The following ZFP69B variants were observed in gnomAD, a reference collection of about 807,000 sequenced individuals.
ZFP69B encodes the protein ZFP69 zinc finger protein B, also known as zinc finger protein 69 homolog B.
Under a neutral mutation model 19.7 loss-of-function variants are expected in ZFP69B, and 20 were observed. The observed-to-expected ratio is 1.02, with a 90% confidence interval of 0.71 to 1.48. The LOEUF (loss-of-function observed/expected upper bound fraction) is 1.48. ZFP69B is among the 40% of genes most tolerant of loss of function. ZFP69B has a pLI of 0.00. For missense variants in ZFP69B, 583 were observed against 632.6 expected, an observed-to-expected ratio of 0.92 and a Z score of 0.84; for synonymous variants, 220 against 222.7, an observed-to-expected ratio of 0.99 and a Z score of 0.11.
Position 40,463,330 on chromosome 1 carries a change from G to A in ZFP69B, c.1346G>A (p.Cys449Tyr), listed in dbSNP as rs756574939. 5 of 1,614,184 alleles carry A rather than the reference G, an allele frequency of 3.1e-6. No homozygotes were observed. Residue 449 changes from cysteine to tyrosine, a missense_variant, in exon 5 of 5, where the codon TGT becomes TAT. Transcript: ENST00000361584. ...CATACTGGAGAAAGACCATATAAAT[G>A]TAAGGAATGTGGGAAAGCCTTTAGC... ...RTHTGERPYK[C>Y]KECGKAFSQR...
intron 4 of ZFP69B, among the ~76,000 whole-genome samples, chr1:40,459,427 C>T (rs1645262374): frequency 6.6e-6 from 1 of 152,164 alleles, no homozygotes; most frequent in African/African-American, 2.4e-5. Context: ...CCTAACCTCC[C>T]CTGTTCTTTC....
chr1:40,462,487 A>C lies in ZFP69B; in HGVS notation c.503A>C (p.His168Pro). The change falls in exon 5 of 5, where the codon CAT becomes CCT. Residue 168 changes from histidine to proline, a missense_variant. Coordinates refer to ENST00000361584, the MANE Select transcript of ZFP69B (RefSeq NM_023070.3). The part of the protein sequence containing the change: ...LQNDISWEEL[H>P]CGLMMERFTK... ...AATGATATTTCGTGGGAAGAACTAC[A>C]TTGTGGCCTAATGATGGAAAGATTT... 2 of 1,613,996 alleles carry C rather than the reference A, an allele frequency of 1.2e-6. No individual in the cohort carries two copies.
chr1:40,452,975 GT>G (rs34206693), intron 1 of ZFP69B, among the ~76,000 whole-genome samples: 11,330 of 132,860 alleles, frequency 0.085, 606 homozygotes, highest in East Asian at 0.26. Context: ...ATTCCTAGTG[GT>G]TTTTTTTTTT....
At chr1:40,455,729 A>G (rs1308246519) in intron 2 of ZFP69B, among the ~76,000 whole-genome samples, 1 of 151,988 alleles carries the variant, frequency 6.6e-6, no homozygotes, top group Admixed American at 6.6e-5. Context: ...TCTACATTAG[A>G]TATTTCTCCT....
Position 40,455,955 on chromosome 1 carries a change from C to T in ZFP69B, c.214-990C>T, listed in dbSNP as rs551458809. Among the ~76,000 whole-genome samples the T allele has an allele frequency of 1.9e-3, 293 of 152,284 alleles. 3 individuals are homozygous for T. Among genetic ancestry groups the T allele is most frequent in the African/African-American group, 6.9e-3 (285 of 41,546 alleles). On this transcript the variant is annotated intron_variant, in intron 2 of 4. Transcript: ENST00000361584. Reference sequence around the variant, plus strand: ...ATGAACTCATCCCTTTTTATGGCTGCATAGTATTCCATGGTGTATATATGC... The same window carrying T: ...ATGAACTCATCCCTTTTTATGGCTGTATAGTATTCCATGGTGTATATATGC...
At position 40,457,336 on chromosome 1, in the gene ZFP69B, A is replaced by G. The variant is rs199638610; in HGVS notation, c.341-8A>G. 6.9e-4 allele frequency: 1,120 copies of G among 1,613,812 alleles called. 8 individuals are homozygous for G. Among genetic ancestry groups the G allele is most frequent in the Middle Eastern group, 5.0e-4 (3 of 6,058 alleles). On this transcript the variant is annotated splice_polypyrimidine_tract_variant and splice_region_variant and intron_variant, in intron 3 of 4. Transcript: ENST00000361584. ...CAGCATATACAGTCTTTTCTTCCCC[A>G]TAAGCAGGATGTCAGCTTTCCAAAC...
rs1160590602 is a variant in ZFP69B, at chr1:40,457,049, C to G, written c.318C>G (p.Asn106Lys). The G allele has an allele frequency of 6.2e-7, 1 of 1,608,192 alleles. No homozygotes were observed. ...RNLYREVMLE[N>K]YGNLVSVGCQ... ...TGTACCGGGAGGTGATGCTGGAGAA[C>G]TATGGGAACCTGGTCTCAGTGGGTA... The change falls in exon 3 of 5, where the codon AAC becomes AAG. Residue 106 changes from asparagine (N) to lysine (K), a missense_variant. Coordinates refer to ENST00000361584, the MANE Select transcript of ZFP69B (RefSeq NM_023070.3).
At chr1:40,454,155 T>G (rs542316515) in intron 1 of ZFP69B, 48 bp from the exon 2 acceptor site, 105 of 1,456,456 alleles carry the variant, frequency 7.2e-5, no homozygotes, top group Non-Finnish European at 8.6e-5. Context: ...TTTCTCTGTT[T>G]GGGTGATTTG....
Position 40,461,205 on chromosome 1 carries a change from T to C in ZFP69B, c.437-1216T>C, listed in dbSNP as rs190531377. ...AGATGTAGATATGTATACCATGATC[T>C]TTTTTTTTTAACAGATGTATATTTA... On this transcript the variant is annotated intron_variant, in intron 4 of 4. Transcript: ENST00000361584. Among the ~76,000 whole-genome samples, 427 of 142,662 alleles carry C rather than the reference T, an allele frequency of 3.0e-3. 8 individuals are homozygous for C. The East Asian group carries it at 0.041, about 14-fold the overall frequency. The allele number at this position is 142,662 out of a possible 152,430, so 93.6% of individuals were successfully genotyped here.
intron 4 of ZFP69B, 37 bp downstream of exon 4, chr1:40,457,476 C>T: frequency 6.4e-7 from 1 of 1,567,466 alleles, no homozygotes. Flanking sequence ...GTGATGTTAG[C>T]CAGAGAATTC....
Position 40,462,323 on chromosome 1 carries a change from G to A in ZFP69B, c.437-98G>A, listed in dbSNP as rs138403165. The stretch of plus-strand genomic sequence containing the variant: ...CATTTGAGGATGATCCAGAACTCCT[G>A]TACCTAGTATATATATTTTGTCCTT... On this transcript the variant is annotated intron_variant, in intron 4 of 4. Transcript: ENST00000361584. The A allele has an allele frequency of 5.1e-4, 578 of 1,126,328 alleles. 4 individuals carry two copies. In the African/African-American group the frequency reaches 8.0e-3, roughly 16 times the overall value. 69.8% of individuals were successfully genotyped at this position (1,126,328 alleles called of 1,614,324 possible). A position where few individuals can be genotyped will look rare whatever the true frequency, so the allele number is the denominator to read the frequency against.
At position 40,457,445 on chromosome 1, in the gene ZFP69B, T is replaced by C; in HGVS notation, c.436+6T>C. The stretch of plus-strand genomic sequence containing the variant: ...TTCAGGAGTTCCAAGTTCAGGTAAG[T>C]GCAAGGCAGGTGGGGCCTTTGTGAT... On this transcript the variant is annotated splice_donor_region_variant and intron_variant, in intron 4 of 4. Transcript: ENST00000361584. The C allele has an allele frequency of 6.2e-7, 1 of 1,613,310 alleles. No homozygotes were observed. Among genetic ancestry groups the C allele is most frequent in the Non-Finnish European group, 8.5e-7 (1 of 1,179,300 alleles).
At chr1:40,454,136 T>A in intron 1 of ZFP69B, 67 bp from the exon 2 acceptor site, 4 of 1,302,424 alleles carry the variant, frequency 3.1e-6, no homozygotes, top group Non-Finnish European at 4.2e-6. Flanking sequence ...TGAGTGGGTC[T>A]GTAGGCAGTT....
chr1:40,462,304 A>G, intron 4 of ZFP69B, 117 bp from the exon 5 acceptor site: 3 of 914,910 alleles, frequency 3.3e-6, no homozygotes, highest in Non-Finnish European at 4.8e-6. Context: ...ATCACATTTG[A>G]GGATGATCCA....
In ZFP69B at chr1:40,450,905, T is replaced by G; in HGVS notation, c.-57T>G. Reference sequence around the variant, plus strand: ...CTTCCAGCAATTTCCTCATCAGAGGTGGACAAGCCCTATGGGCTAAGACAG... The same window carrying G: ...CTTCCAGCAATTTCCTCATCAGAGGGGGACAAGCCCTATGGGCTAAGACAG... On this transcript the variant is annotated 5_prime_UTR_variant, in exon 1 of 5. Coordinates refer to ENST00000361584, the MANE Select transcript of ZFP69B (RefSeq NM_023070.3). 1 of 1,436,184 alleles carries G rather than the reference T, an allele frequency of 7.0e-7. No homozygotes were observed. Among genetic ancestry groups the G allele is most frequent in the Non-Finnish European group, 9.2e-7 (1 of 1,088,494 alleles). The allele number at this position is 1,436,184 out of a possible 1,614,324, so 89.0% of individuals were successfully genotyped here. A position where few individuals can be genotyped will look rare whatever the true frequency, so the allele number is the denominator to read the frequency against.
intron 3 of ZFP69B, 135 bp downstream of exon 3, chr1:40,457,206 T>G: frequency 6.7e-7 from 1 of 1,494,034 alleles, no homozygotes; most frequent in South Asian, 1.2e-5. Context: ...CAGTCAGGAT[T>G]GCTATGCTCT....
intron 4 of ZFP69B, 114 bp downstream of exon 4, chr1:40,457,553 G>A (rs1049218293): frequency 2.6e-6 from 2 of 774,516 alleles, no homozygotes; most frequent in African/African-American, 3.5e-5. Context: ...CAAGAAAGTT[G>A]ATTCTGTTAT....
At position 40,463,139 on chromosome 1, in the gene ZFP69B, T is replaced by C. The variant is rs542565673; in HGVS notation, c.1155T>C (p.His385=). ...SIGLIQHLRT[H]VREKPFTCKD... The stretch of plus-strand genomic sequence containing the variant: ...GACTGATCCAGCATTTGAGAACTCA[T>C]GTTAGAGAGAAACCTTTTACATGCA... Residue 385 remains histidine, a synonymous_variant, in exon 5 of 5, where the codon CAT becomes CAC. Transcript: ENST00000361584. The C allele has an allele frequency of 1.9e-6, 3 of 1,614,190 alleles. No homozygotes were observed. Among genetic ancestry groups the C allele is most frequent in the African/African-American group, 1.3e-5 (1 of 75,054 alleles).
At chr1:40,461,637 A>AG (rs745822527) in intron 4 of ZFP69B, among the ~76,000 whole-genome samples, 8 of 152,028 alleles carry the variant, frequency 5.3e-5, no homozygotes, top group Non-Finnish European at 1.2e-4. Flanking sequence ...TCTACAAAAA[A>AG]TACAAAAATT....
Sources: allele counts gnomAD v4.1 joint callset (sites outside exome capture counted in the v4.1 genomes callset), GRCh38; gene constraint gnomAD v4.1.1; transcripts MANE v1.5; gene names NCBI Gene and HGNC (gene_info 2026-07-23, HGNC 2026-07-21).